Variants in PCBP3 observed in about 807,000 individuals in gnomAD.
PCBP3 encodes the protein poly(rC) binding protein 3.
A neutral mutation model predicts 52.7 loss-of-function variants in PCBP3; 25 were observed. The ratio of observed to expected loss-of-function variants is 0.47; its 90% CI spans 0.35 to 0.66. The LOEUF (loss-of-function observed/expected upper bound fraction) is 0.66, where lower values mean the gene tolerates loss of function less well. Among genes scored for constraint, PCBP3 ranks in the 30% least tolerant of loss-of-function variants. The probability of loss-of-function intolerance (pLI) is 0.01; values close to 1 mark genes in which losing one functional copy is unlikely to be tolerated. For missense variants in PCBP3, 391 were observed against 490.3 expected (o/e 0.80, Z 1.91); for synonymous variants, 162 against 183.0 (o/e 0.89, Z 0.93).
chr21:45,786,788 T>C (rs1412409649), intron 4 of PCBP3, among the ~76,000 whole-genome samples: 1 of 152,224 alleles, frequency 6.6e-6, no homozygotes, highest in Non-Finnish European at 1.5e-5. Context: ...ACAGCAGGAA[T>C]GTTCTGGCAC....
intron 4 of PCBP3, among the ~76,000 whole-genome samples, chr21:45,835,672 C>G: frequency 6.6e-6 from 1 of 152,218 alleles, no homozygotes; most frequent in Non-Finnish European, 1.5e-5. Context: ...CCCCACATCC[C>G]TGTGAGCTGC....
intron 4 of PCBP3, among the ~76,000 whole-genome samples, chr21:45,824,671 G>C (rs1485839275): frequency 6.6e-6 from 1 of 152,190 alleles, no homozygotes; most frequent in Non-Finnish European, 1.5e-5. Context: ...CTGAGGGTCT[G>C]CATGGACTCA....
intron 4 of PCBP3, among the ~76,000 whole-genome samples, chr21:45,804,174 G>A (rs549177373): frequency 1.3e-5 from 2 of 151,198 alleles, no homozygotes; most frequent in Non-Finnish European, 2.9e-5. Context: ...TTGCTGTTTC[G>A]CTTGGCACCT....
intron 1 of PCBP3, among the ~76,000 whole-genome samples, chr21:45,652,828 C>G (rs1354916199): frequency 1.3e-5 from 2 of 152,136 alleles, no homozygotes; most frequent in Non-Finnish European, 2.9e-5. Context: ...TAGCTGTTCT[C>G]TTTTCTAATC....
At chr21:45,849,909 G>A (rs541075375) in intron 4 of PCBP3, 52 bp from the exon 5 acceptor site, 31 of 634,202 alleles carry the variant, frequency 4.9e-5, no homozygotes, top group African/African-American at 1.3e-4. Context: ...CAGTGCTGGC[G>A]GAGAGGCCCT....
At chr21:45,835,042 C>T (rs971619718) in intron 4 of PCBP3, among the ~76,000 whole-genome samples, 1 of 152,220 alleles carries the variant, frequency 6.6e-6, no homozygotes, top group Non-Finnish European at 1.5e-5. Context: ...AACGCCGCAG[C>T]AGCCTCTGCT....
intron 5 of PCBP3, among the ~76,000 whole-genome samples, chr21:45,882,095 T>G (rs1323349935): frequency 6.6e-6 from 1 of 152,210 alleles, no homozygotes; most frequent in East Asian, 1.9e-4. Flanking sequence ...TCTAGTTTTT[T>G]GAGGAACTTC....
chr21:45,691,532 CA>C lies in PCBP3; in HGVS notation c.-200+22581del, dbSNP rs577386872. Among the ~76,000 whole-genome samples the C allele has an allele frequency of 1.3e-4, 19 of 150,178 alleles. No homozygotes were observed. The South Asian group carries it at 4.0e-3, about 31-fold the overall frequency. On this transcript the variant is annotated intron_variant, in intron 2 of 17. Coordinates refer to ENST00000681687, the MANE Select transcript of PCBP3 (RefSeq NM_001384156.1). The stretch of plus-strand genomic sequence containing the variant: ...CCTCAAATAGATGAATTTGATTGTA[CA>C]TAAATTAAACAGAGAGAGGGAGAAT...
intron 2 of PCBP3, among the ~76,000 whole-genome samples, chr21:45,684,591 C>G (rs570059023): frequency 1.3e-5 from 2 of 152,148 alleles, no homozygotes; most frequent in South Asian, 4.1e-4. Flanking sequence ...CATGGAACTT[C>G]CCTGCTCCTT....
At chr21:45,721,795 G>T (rs2084662346) in intron 2 of PCBP3, among the ~76,000 whole-genome samples, 1 of 152,152 alleles carries the variant, frequency 6.6e-6, no homozygotes, top group African/African-American at 2.4e-5. Flanking sequence ...TGAAGCAAAT[G>T]TATGTGCATT....
intron 4 of PCBP3, among the ~76,000 whole-genome samples, chr21:45,846,714 C>T (rs1280881171): frequency 6.6e-6 from 1 of 152,240 alleles, no homozygotes; most frequent in Non-Finnish European, 1.5e-5. Context: ...TATGGCTTCG[C>T]CGCGCACTGG....
chr21:45,703,565 TAGG>T (rs1294846188), intron 2 of PCBP3, among the ~76,000 whole-genome samples: 2 of 152,150 alleles, frequency 1.3e-5, no homozygotes, highest in African/African-American at 4.8e-5. Flanking sequence ...TGGAGGCCGA[TAGG>T]AGAATTAGAC....
chr21:45,653,461 T>G (rs2146886130), intron 1 of PCBP3, among the ~76,000 whole-genome samples: 1 of 152,308 alleles, frequency 6.6e-6, no homozygotes, highest in South Asian at 2.1e-4. Flanking sequence ...ATGGAGACTT[T>G]AATTATTATG....
chr21:45,766,191 C>T (rs1023084958), intron 4 of PCBP3, among the ~76,000 whole-genome samples: 3 of 152,350 alleles, frequency 2.0e-5, no homozygotes, highest in South Asian at 2.1e-4. Context: ...GCAGACTGGC[C>T]GCTGGAGTGG....
At position 45,755,413 on chromosome 21, in the gene PCBP3, A is replaced by G. The variant is rs1015625033; in HGVS notation, c.-161-4A>G. On this transcript the variant is annotated splice_region_variant and splice_polypyrimidine_tract_variant and intron_variant, in intron 3 of 17. Transcript: ENST00000681687. ...ATGTGGATGTATGTTTTCATTTTTC[A>G]TAGGTAAATACCTAGGAGTGGGCTT... Among the ~76,000 whole-genome samples the G allele has an allele frequency of 3.9e-5, 6 of 152,276 alleles. No individual in the cohort carries two copies. The highest frequency in any genetic ancestry group is 1.2e-4 in the African/African-American group (5 of 41,556).
chr21:45,704,562 G>T lies in PCBP3; in HGVS notation c.-199-30830G>T, dbSNP rs916874093. 6.6e-6 allele frequency among the ~76,000 whole-genome samples: 1 copy of T among 152,024 alleles called. No homozygotes were observed. The highest frequency in any genetic ancestry group is 1.5e-5 in the Non-Finnish European group (1 of 67,984). On this transcript the variant is annotated intron_variant, in intron 2 of 17. Coordinates refer to ENST00000681687, the MANE Select transcript of PCBP3 (RefSeq NM_001384156.1). The surrounding 1 kb of genome is among the most constrained non-coding windows in gnomAD (Gnocchi z 4.1). ...CTGCTGGCGGTGGGGGGCGGTGATC[G>T]GATATGGGAAGGAGGGAGACATGGA...
At chr21:45,832,071 C>G (rs2093464179) in intron 4 of PCBP3, among the ~76,000 whole-genome samples, 1 of 152,118 alleles carries the variant, frequency 6.6e-6, no homozygotes, top group South Asian at 2.1e-4. Context: ...GCAGAGCAGC[C>G]CCGAGGGCTG....
At chr21:45,925,303 C>T (rs1223968553) in intron 13 of PCBP3, among the ~76,000 whole-genome samples, 1 of 152,146 alleles carries the variant, frequency 6.6e-6, no homozygotes, top group Non-Finnish European at 1.5e-5. Flanking sequence ...GTTTCAATGA[C>T]CACTAACAAC....
chr21:45,881,315 T>C (rs781102567), intron 5 of PCBP3, among the ~76,000 whole-genome samples: 10 of 152,218 alleles, frequency 6.6e-5, no homozygotes, highest in African/African-American at 9.7e-5. Context: ...TGTGTTCATG[T>C]TTTTTGTGTG....
Sources: allele counts gnomAD v4.1 joint callset (sites outside exome capture counted in the v4.1 genomes callset), GRCh38; gene constraint gnomAD v4.1.1; non-coding constraint Gnocchi (gnomAD v3.1); transcripts MANE v1.5; gene names NCBI Gene and HGNC (gene_info 2026-07-23, HGNC 2026-07-21).